The following TLR3 variants were observed in gnomAD, a reference collection of about 807,000 sequenced individuals.
The protein encoded by TLR3 is toll like receptor 3.
Under a neutral mutation model 66.4 loss-of-function variants are expected in TLR3, and 43 were observed. The ratio of observed to expected loss-of-function variants is 0.65; its 90% CI spans 0.51 to 0.83. The LOEUF is 0.83. Among genes scored for constraint, TLR3 ranks in the 40% least tolerant of loss-of-function variants. The pLI, the probability that TLR3 is intolerant of heterozygous loss-of-function variation, is 0.00. For synonymous variants in TLR3, 397 were observed against 397.2 expected, an observed-to-expected ratio of 1.00 and a Z score of 0.01; for missense variants, 982 against 1,044.6, an observed-to-expected ratio of 0.94 and a Z score of 0.83.
chr4:186,087,621 A>G lies in TLR3; in HGVS notation c.*2748A>G, dbSNP rs1190958911. ...CTTGGTATTTAGGTTGTACCTAAAA[A>G]TGATAACTTTTAGACTGTAATCAGA... On this transcript the variant is annotated 3_prime_UTR_variant, in exon 5 of 5. Transcript: ENST00000296795. 6.6e-6 allele frequency: 1 copy of G among 152,228 alleles called. No individual in the cohort carries two copies. Among genetic ancestry groups the G allele is most frequent in the East Asian group, 1.9e-4 (1 of 5,206 alleles). 9.4% of individuals were successfully genotyped at this position (152,228 alleles called of 1,614,324 possible). A position where few individuals can be genotyped will look rare whatever the true frequency, so the allele number is the denominator to read the frequency against.
At chr4:186,071,970 A>G (rs536989343) in intron 1 of TLR3, among the ~76,000 whole-genome samples, 1 of 152,356 alleles carries the variant, frequency 6.6e-6, no homozygotes, top group South Asian at 2.1e-4. Context: ...ATCACACCAC[A>G]GAGTATCACA....
intron 3 of TLR3, 90 bp downstream of exon 3, chr4:186,079,121 A>G (rs2099302968): frequency 1.2e-5 from 14 of 1,164,108 alleles, no homozygotes; most frequent in Non-Finnish European, 1.6e-5. Context: ...AATGCTCTCT[A>G]GCCTCTGCCT....
chr4:186,075,374 C>T (rs975701578), intron 1 of TLR3, among the ~76,000 whole-genome samples: 1 of 152,148 alleles, frequency 6.6e-6, no homozygotes, highest in Non-Finnish European at 1.5e-5. Flanking sequence ...GTAATCCCAG[C>T]ATTTTAGGAG....
In TLR3 at chr4:186,076,839, T is replaced by C; in HGVS notation, c.220T>C (p.Tyr74His). The C allele has an allele frequency of 6.2e-7, 1 of 1,614,182 alleles. No homozygotes were observed. Among genetic ancestry groups the C allele is most frequent in the Non-Finnish European group, 8.5e-7 (1 of 1,180,040 alleles). Residue 74 changes from tyrosine to histidine, a missense_variant, in exon 2 of 5, where the codon TAT becomes CAT. Tyr to His is a moderately conservative substitution (Grantham distance 83, BLOSUM62 2). Coordinates refer to ENST00000296795, the MANE Select transcript of TLR3 (RefSeq NM_003265.3). ...RRLPAANFTR[Y>H]SQLTSLDVGF... ...ATTACCAGCCGCCAACTTCACAAGGTATAGCCAGCTAACTAGCTTGGATGT... is the reference window on the plus strand; with the variant it reads ...ATTACCAGCCGCCAACTTCACAAGGCATAGCCAGCTAACTAGCTTGGATGT...
In TLR3 at chr4:186,076,829, C is replaced by A; in HGVS notation, c.210C>A (p.Asn70Lys). Reference sequence around the variant, plus strand: ...AACTCAGAAGATTACCAGCCGCCAACTTCACAAGGTATAGCCAGCTAACTA... The same window carrying A: ...AACTCAGAAGATTACCAGCCGCCAAATTCACAAGGTATAGCCAGCTAACTA... ...HNQLRRLPAANFTRYSQLTSL... is the reference protein window; with the variant it reads ...HNQLRRLPAAKFTRYSQLTSL... Residue 70 changes from asparagine to lysine, a missense_variant, in exon 2 of 5, where the codon AAC becomes AAA. Physicochemically the swap from Asn to Lys is moderately conservative, Grantham distance 94. Coordinates refer to ENST00000296795, the MANE Select transcript of TLR3 (RefSeq NM_003265.3). The A allele has an allele frequency of 6.2e-7, 1 of 1,614,178 alleles. No individual in the cohort carries two copies. The highest frequency in any genetic ancestry group is 1.1e-5 in the South Asian group (1 of 91,076).
intron 1 of TLR3, among the ~76,000 whole-genome samples, chr4:186,075,598 C>G (rs2099302318): frequency 6.6e-6 from 1 of 152,002 alleles, no homozygotes; most frequent in African/African-American, 2.4e-5. Context: ...CCACTGTACT[C>G]CAGCCTGGGT....
At chr4:186,069,929 G>C (rs1392835580) in intron 1 of TLR3, among the ~76,000 whole-genome samples, 3 of 152,130 alleles carry the variant, frequency 2.0e-5, no homozygotes, top group Non-Finnish European at 4.4e-5. Flanking sequence ...TCTTCATATG[G>C]GCGTGCCTGT....
intron 4 of TLR3, 115 bp from the exon 5 acceptor site, chr4:186,084,529 GA>G (rs79940800): frequency 5.5e-4 from 369 of 665,348 alleles, no homozygotes; most frequent in African/African-American, 2.4e-3. Context: ...ATAAAATTAA[GA>G]AAAAAAAAAC....
At position 186,076,652 on chromosome 4, in the gene TLR3, G is replaced by C. The variant is rs755127843; in HGVS notation, c.33G>C (p.Trp11Cys). 8.7e-6 allele frequency: 14 copies of C among 1,613,902 alleles called. No homozygotes were observed. The Admixed American group carries it at 1.3e-4, about 15-fold the overall frequency. ...AGACTTTGCCTTGTATCTACTTTTG[G>C]GGGGGCCTTTTGCCCTTTGGGATGC... is the stretch of plus-strand genomic sequence containing the variant. MRQTLPCIYF[W>C]GGLLPFGMLC... Residue 11 changes from tryptophan to cysteine, a missense_variant, in exon 2 of 5, where the codon TGG (tryptophan) becomes TGC (cysteine). Transcript: ENST00000296795.
rs199658443 is a variant in TLR3, at chr4:186,083,203, G to A, written c.1517G>A (p.Arg506His). 3.3e-5 allele frequency: 53 copies of A among 1,614,160 alleles called. No individual in the cohort carries two copies. Among genetic ancestry groups the A allele is most frequent in the Admixed American group, 2.2e-4 (13 of 60,010 alleles). Residue 506 changes from arginine to histidine, a missense_variant, in exon 4 of 5, where the codon CGT becomes CAT. Coordinates refer to ENST00000296795, the MANE Select transcript of TLR3 (RefSeq NM_003265.3). This position sits in a 1 kb window ranked among gnomAD's most constrained non-coding sequence, Gnocchi z 4.0. ...TCTCCTTCACCATTCCAGCCTCTTC[G>A]TAACTTGACCATTCTGGATCTAAGC... ...DSSPSPFQPL[R>H]NLTILDLSNN...
intron 4 of TLR3, 37 bp downstream of exon 4, chr4:186,084,209 C>T: frequency 6.3e-7 from 1 of 1,582,378 alleles, no homozygotes; most frequent in South Asian, 1.2e-5. Flanking sequence ...TGTGTACTTG[C>T]TTTTCAATTA....
Position 186,084,746 on chromosome 4 carries a change from C to T in TLR3, c.2588C>T (p.Ala863Val). 1 of 1,613,922 alleles carries T rather than the reference C, an allele frequency of 6.2e-7. No individual in the cohort carries two copies. The highest frequency in any genetic ancestry group is 8.5e-7 in the Non-Finnish European group (1 of 1,179,890). ...EEIPDYKLNH[A>V]LCLRRGMFKS... ...ATTCCAGATTATAAACTGAACCATG[C>T]ACTCTGTTTGCGAAGAGGAATGTTT... Residue 863 changes from alanine (A) to valine (V), a missense_variant, in exon 5 of 5, where the codon GCA becomes GTA. Transcript: ENST00000296795.
Position 186,083,843 on chromosome 4 carries a change from T to G in TLR3, c.2157T>G (p.Ile719Met). Residue 719 changes from isoleucine (I) to methionine (M), a missense_variant, in exon 4 of 5, where the codon ATT becomes ATG. Around this residue, in one of 3 missense-constraint regions of TLR3, gnomAD observed 666 missense variants for 709.0 expected, o/e 0.94. Coordinates refer to ENST00000296795, the MANE Select transcript of TLR3 (RefSeq NM_003265.3). The surrounding 1 kb of genome is among the most constrained non-coding windows in gnomAD (Gnocchi z 4.0). ...NTSILLIFIF[I>M]VLLIHFEGWR... ...GTATCCTGTTGATTTTTATCTTTATTGTACTTCTCATCCACTTTGAGGGCT... is the reference window on the plus strand; with the variant it reads ...GTATCCTGTTGATTTTTATCTTTATGGTACTTCTCATCCACTTTGAGGGCT... 2 of 1,614,210 alleles carry G rather than the reference T, an allele frequency of 1.2e-6. No individual in the cohort carries two copies. The highest frequency in any genetic ancestry group is 1.7e-6 in the Non-Finnish European group (2 of 1,180,042).
intron 3 of TLR3, among the ~76,000 whole-genome samples, chr4:186,079,247 G>T (rs368202516): frequency 2.0e-5 from 3 of 152,150 alleles, no homozygotes; most frequent in African/African-American, 7.2e-5. Context: ...GCAGCACTGG[G>T]TGGAACCCCT....
intron 1 of TLR3, 48 bp from the exon 2 acceptor site, chr4:186,076,565 C>T: frequency 6.4e-7 from 1 of 1,560,200 alleles, no homozygotes; most frequent in Non-Finnish European, 8.8e-7. Flanking sequence ...ATTTGAAAGC[C>T]ATCTGCTATT....
At chr4:186,074,497 C>CT (rs2099302098) in intron 1 of TLR3, among the ~76,000 whole-genome samples, 2 of 152,196 alleles carry the variant, frequency 1.3e-5, no homozygotes, top group Non-Finnish European at 2.9e-5. Flanking sequence ...CTGGGAGTGG[C>CT]TCTGGGTGAG....
intron 1 of TLR3, among the ~76,000 whole-genome samples, chr4:186,074,907 G>A (rs1373296341): frequency 6.6e-6 from 1 of 151,408 alleles, no homozygotes; most frequent in Non-Finnish European, 1.5e-5. Context: ...CTTCCACCAC[G>A]TCGTGTCCCA....
rs779265192 is a variant in TLR3 at position 186,084,221 on chromosome 4, ATTT to A, written c.2486+50_2486+52del. 315 of 1,480,336 alleles carry A rather than the reference ATTT, an allele frequency of 2.1e-4. 3 individuals carry two copies. The African/African-American group carries it at 3.1e-3, about 14-fold the overall frequency. 91.7% of individuals were successfully genotyped at this position (1,480,336 alleles called of 1,614,324 possible). ...AAGTGTGTACTTGCTTTTCAATTAAATTTCTTTTTTTTTTTTTGAGATGGAGTC... is the reference window on the plus strand; with the variant it reads ...AAGTGTGTACTTGCTTTTCAATTAAACTTTTTTTTTTTTTGAGATGGAGTC... On this transcript the variant is annotated intron_variant, in intron 4 of 4. Coordinates refer to ENST00000296795, the MANE Select transcript of TLR3 (RefSeq NM_003265.3).
In TLR3 at chr4:186,083,473, A is replaced by G. The variant is rs1329487142; in HGVS notation, c.1787A>G (p.Asn596Ser). ...CTAAAGATCATCGATTTAGGATTGA[A>G]TAATTTAAACACACTTCCAGCATCT... ...FELKIIDLGL[N>S]NLNTLPASVF... is the part of the protein sequence containing the mutation. Residue 596 changes from asparagine to serine, a missense_variant, in exon 4 of 5, where the codon AAT becomes AGT. This residue lies in a region of TLR3 where 666 missense variants were observed against 709.0 expected (regional missense o/e 0.94). Coordinates refer to ENST00000296795, the MANE Select transcript of TLR3 (RefSeq NM_003265.3). The surrounding 1 kb of genome is among the most constrained non-coding windows in gnomAD (Gnocchi z 4.0). The G allele has an allele frequency of 6.2e-7, 1 of 1,608,900 alleles. No individual in the cohort carries two copies. Among genetic ancestry groups the G allele is most frequent in the Admixed American group, 1.7e-5 (1 of 59,506 alleles).
Sources: gnomAD v4.1 joint callset for allele counts (sites outside exome capture counted in the v4.1 genomes callset) on GRCh38, gnomAD v4.1.1 for gene constraint, gnomAD v4.1.1 regional missense constraint, Gnocchi (gnomAD v3.1) non-coding constraint, MANE v1.5 for transcripts, NCBI Gene and HGNC (gene_info 2026-07-23, HGNC 2026-07-21) for gene names.